Variants in SLC35E1 observed in about 807,000 individuals in gnomAD.
SLC35E1 encodes the protein solute carrier family 35 member E1.
A neutral mutation model predicts 31.0 loss-of-function variants in SLC35E1; 12 were observed. The observed-to-expected ratio is 0.39, with a 90% CI of 0.25 to 0.63. The LOEUF (loss-of-function observed/expected upper bound fraction) is 0.63. Among genes scored for constraint, SLC35E1 ranks in the 20% least tolerant of loss-of-function variants. The pLI, the probability that SLC35E1 is intolerant of heterozygous loss-of-function variation, is 0.52. For synonymous variants in SLC35E1, 257 were observed against 264.1 expected (o/e 0.97, Z 0.26); for missense variants, 429 against 572.2 (o/e 0.75, Z 2.55).
chr19:16,558,189 A>T (rs2085885459), intron 4 of SLC35E1, among the ~76,000 whole-genome samples: 1 of 151,510 alleles, frequency 6.6e-6, no homozygotes, highest in South Asian at 2.1e-4. Context: ...GATTACAGGC[A>T]ACCACCACCA....
At chr19:16,568,697 A>AT (rs902380042) in intron 2 of SLC35E1, among the ~76,000 whole-genome samples, 8 of 152,056 alleles carry the variant, frequency 5.3e-5, no homozygotes, top group Non-Finnish European at 7.4e-5. Flanking sequence ...CGCCCGGCCA[A>AT]TTTTTTTGTA....
At chr19:16,568,456 A>G (rs991357440) in intron 2 of SLC35E1, among the ~76,000 whole-genome samples, 5 of 152,240 alleles carry the variant, frequency 3.3e-5, no homozygotes, top group Non-Finnish European at 7.3e-5. Context: ...CTAACTCCAC[A>G]GATCTGTTCA....
chr19:16,564,707 C>A (rs1056246416), intron 4 of SLC35E1, among the ~76,000 whole-genome samples: 4 of 152,166 alleles, frequency 2.6e-5, no homozygotes, highest in Non-Finnish European at 5.9e-5. Context: ...CCCTTCCCTA[C>A]CCCCAAACAA....
At chr19:16,560,174 T>C (rs896844218) in intron 4 of SLC35E1, among the ~76,000 whole-genome samples, 2 of 152,166 alleles carry the variant, frequency 1.3e-5, no homozygotes, top group Admixed American at 1.3e-4. Context: ...CTCACATGTG[T>C]GACGCTCAGG....
Position 16,549,848 on chromosome 19 carries a change from CCAT to C in SLC35E1, c.*3828_*3830del, listed in dbSNP as rs1341292297. The C allele has an allele frequency of 2.0e-5, 3 of 152,128 alleles. No individual in the cohort carries two copies. The highest frequency in any genetic ancestry group is 4.4e-5 in the Non-Finnish European group (3 of 68,034). The allele number at this position is 152,128 out of a possible 1,614,324, so 9.4% of individuals were successfully genotyped here. A position where few individuals can be genotyped will look rare whatever the true frequency, so the allele number is the denominator to read the frequency against. On this transcript the variant is annotated 3_prime_UTR_variant, in exon 6 of 6. Transcript: ENST00000595753. Reference sequence around the variant, plus strand: ...GGGACCAATTTTGATTCCCTGGAAACCATCATTTATTTTTGGTAAATGCCAGTG... The same window carrying C: ...GGGACCAATTTTGATTCCCTGGAAACCATTTATTTTTGGTAAATGCCAGTG...
chr19:16,553,461 GTC>G lies in SLC35E1; in HGVS notation c.*216_*217del, dbSNP rs905710255. 1.8e-5 allele frequency: 7 copies of G among 385,376 alleles called. No homozygotes were observed. Among genetic ancestry groups the G allele is most frequent in the African/African-American group, 1.4e-4 (7 of 48,492 alleles). The allele number at this position is 385,376 out of a possible 1,614,324, so 23.9% of individuals were successfully genotyped here. A position where few individuals can be genotyped will look rare whatever the true frequency, so the allele number is the denominator to read the frequency against. On this transcript the variant is annotated 3_prime_UTR_variant, in exon 6 of 6. Coordinates refer to ENST00000595753, the MANE Select transcript of SLC35E1 (RefSeq NM_024881.5). ...CAGGAAGAAAGAGCATGAGACACTG[GTC>G]TCTGTTTAGGTTTGCCCAGAGCTCA...
At chr19:16,557,294 C>T (rs1367644203) in intron 4 of SLC35E1, among the ~76,000 whole-genome samples, 2 of 151,802 alleles carry the variant, frequency 1.3e-5, no homozygotes, top group Non-Finnish European at 2.9e-5. Context: ...CCTGGGTTCA[C>T]GCCATTCTCC....
At chr19:16,559,131 C>A (rs930663970) in intron 4 of SLC35E1, among the ~76,000 whole-genome samples, 1 of 151,870 alleles carries the variant, frequency 6.6e-6, no homozygotes, top group Non-Finnish European at 1.5e-5. Flanking sequence ...GCCTGGCCAA[C>A]ATGGTGAAAC....
chr19:16,568,977 G>A (rs540302430), intron 2 of SLC35E1, among the ~76,000 whole-genome samples: 1 of 150,512 alleles, frequency 6.6e-6, no homozygotes, highest in South Asian at 2.1e-4. Flanking sequence ...CCTGTGCTGT[G>A]CTCCCAGGGC....
chr19:16,569,269 C>T (rs1243990748), intron 2 of SLC35E1, among the ~76,000 whole-genome samples: 2 of 152,112 alleles, frequency 1.3e-5, no homozygotes, highest in African/African-American at 4.8e-5. Context: ...GTGATCTGCC[C>T]ACCTTGGCCT....
intron 4 of SLC35E1, among the ~76,000 whole-genome samples, chr19:16,559,463 T>TACACACACACACAC (rs61643316): frequency 0.034 from 4,877 of 142,320 alleles, 129 homozygotes; most frequent in African/African-American, 0.065. Flanking sequence ...CTACAAAAAA[T>TACACACACACACAC]ACACACACAC....
In SLC35E1 at chr19:16,572,194, G is replaced by A; in HGVS notation, c.171C>T (p.Phe57=). ...TGTGGCACAGCGACACGGTCACCGG[G>A]AACGGGAAGGCGCTCAGGATCACCT... The part of the protein sequence containing the change: ...VNKVILSAFP[F]PVTVSLCHIL... The change falls in exon 1 of 6, where the codon TTC becomes TTT. Residue 57 remains phenylalanine, a synonymous_variant. Coordinates refer to ENST00000595753, the MANE Select transcript of SLC35E1 (RefSeq NM_024881.5). This position sits in a 1 kb window ranked among gnomAD's most constrained non-coding sequence, Gnocchi z 4.1. The A allele has an allele frequency of 1.3e-6, 2 of 1,532,228 alleles. No individual in the cohort carries two copies. Among genetic ancestry groups the A allele is most frequent in the South Asian group, 1.2e-5 (1 of 82,280 alleles). The allele number at this position is 1,532,228 out of a possible 1,614,324, so 94.9% of individuals were successfully genotyped here. A position where few individuals can be genotyped will look rare whatever the true frequency, so the allele number is the denominator to read the frequency against.
At chr19:16,558,578 C>T (rs1027797684) in intron 4 of SLC35E1, among the ~76,000 whole-genome samples, 1 of 151,928 alleles carries the variant, frequency 6.6e-6, no homozygotes, top group Admixed American at 6.6e-5. Context: ...CTCAAGTGAT[C>T]CACCTGGCTC....
In SLC35E1 at chr19:16,555,512, A is replaced by G; in HGVS notation, c.757-115T>C. 7.0e-7 allele frequency: 1 copy of G among 1,423,514 alleles called. No individual in the cohort carries two copies. The highest frequency in any genetic ancestry group is 9.4e-7 in the Non-Finnish European group (1 of 1,065,752). The allele number at this position is 1,423,514 out of a possible 1,614,324, so 88.2% of individuals were successfully genotyped here. A position where few individuals can be genotyped will look rare whatever the true frequency, so the allele number is the denominator to read the frequency against. ...TGTGGAGGGGCTCATCTGGAGCCTC[A>G]TGGTCCACAGGCAGCCAGTCCAGAT... On this transcript the variant is annotated intron_variant, in intron 4 of 5. Transcript: ENST00000595753. This position sits in a 1 kb window ranked among gnomAD's most constrained non-coding sequence, Gnocchi z 4.1.
chr19:16,570,900 C>T (rs2085954654), intron 2 of SLC35E1, among the ~76,000 whole-genome samples: 1 of 151,986 alleles, frequency 6.6e-6, no homozygotes, highest in African/African-American at 2.4e-5. Context: ...AGTTTGAGAC[C>T]AGCCTGGCAA....
At chr19:16,561,609 G>A (rs1034095538) in intron 4 of SLC35E1, among the ~76,000 whole-genome samples, 2 of 152,204 alleles carry the variant, frequency 1.3e-5, no homozygotes, top group African/African-American at 4.8e-5. Flanking sequence ...TTGGCAACTG[G>A]GCCAGGCGTC....
intron 2 of SLC35E1, among the ~76,000 whole-genome samples, chr19:16,568,980 C>T (rs560117426): frequency 2.4e-4 from 36 of 152,222 alleles, no homozygotes; most frequent in Admixed American, 9.2e-4. Context: ...GTGCTGTGCT[C>T]CCAGGGCCAC....
intron 4 of SLC35E1, among the ~76,000 whole-genome samples, chr19:16,560,959 T>C (rs2085902467): frequency 6.8e-6 from 1 of 147,246 alleles, no homozygotes; most frequent in Admixed American, 6.8e-5. Flanking sequence ...CCTATCTCTT[T>C]GGGAGGTCGA....
chr19:16,567,647 C>T (rs537413930), intron 3 of SLC35E1, among the ~76,000 whole-genome samples: 9 of 152,288 alleles, frequency 5.9e-5, no homozygotes, highest in South Asian at 4.1e-4. Context: ...CTGCAAGCCC[C>T]GCTTCCTGGG....
Sources: gnomAD v4.1 joint callset for allele counts (sites outside exome capture counted in the v4.1 genomes callset) on GRCh38, gnomAD v4.1.1 for gene constraint, Gnocchi (gnomAD v3.1) non-coding constraint, MANE v1.5 for transcripts, NCBI Gene and HGNC (gene_info 2026-07-23, HGNC 2026-07-21) for gene names.